Variants in DPYD observed in about 807,000 individuals in gnomAD.
DPYD encodes the protein dihydropyrimidine dehydrogenase [NADP(+)].
In DPYD, 109 loss-of-function variants were observed where a neutral mutation model predicts 116.2. The ratio of observed to expected loss-of-function variants is 0.94; its 90% CI spans 0.80 to 1.10. The LOEUF is 1.10. Ranked by LOEUF, DPYD falls within the 50% of genes least tolerant of loss-of-function variation. The pLI is 0.00. For missense variants in DPYD, 1,302 were observed against 1,254.5 expected (o/e 1.04, Z -0.57); for synonymous variants, 440 against 432.0 (o/e 1.02, Z -0.23).
chr1:97,172,072 T>C (rs1202305208), intron 20 of DPYD, among the ~76,000 whole-genome samples: 1 of 152,220 alleles, frequency 6.6e-6, no homozygotes, highest in East Asian at 1.9e-4. Context: ...ACGACCATGA[T>C]ACAAACAGTT....
In DPYD at chr1:97,472,944, A is replaced by G. The variant is rs182124253; in HGVS notation, c.1741-22721T>C. Reference sequence around the variant, plus strand: ...TATAATCAACCTAACTGACACAGCCATCACCTCACATAGTTGCCTTTGTTT... The same window carrying G: ...TATAATCAACCTAACTGACACAGCCGTCACCTCACATAGTTGCCTTTGTTT... On this transcript the variant is annotated intron_variant, in intron 13 of 22. Coordinates refer to ENST00000370192, the MANE Select transcript of DPYD (RefSeq NM_000110.4). 4.1e-4 allele frequency among the ~76,000 whole-genome samples: 62 copies of G among 152,352 alleles called. No homozygotes were observed. In the East Asian group the frequency reaches 8.1e-3, roughly 20 times the overall value.
chr1:97,210,152 CA>C (rs1440420373), intron 19 of DPYD, among the ~76,000 whole-genome samples: 1 of 151,980 alleles, frequency 6.6e-6, no homozygotes, highest in East Asian at 1.9e-4. Context: ...ACCAGTTAAA[CA>C]AAATGAAGAA....
intron 2 of DPYD, among the ~76,000 whole-genome samples, chr1:97,874,956 C>A (rs536224424): frequency 1.3e-5 from 2 of 151,814 alleles, no homozygotes; most frequent in Admixed American, 1.3e-4. Context: ...ATCTTAATTC[C>A]AGAGATGTGA....
intron 13 of DPYD, among the ~76,000 whole-genome samples, chr1:97,477,247 C>T (rs1178923841): frequency 6.6e-6 from 1 of 152,230 alleles, no homozygotes; most frequent in Non-Finnish European, 1.5e-5. Context: ...AGCATCTTCA[C>T]TAGGAGCTGA....
intron 8 of DPYD, among the ~76,000 whole-genome samples, chr1:97,666,324 C>T (rs953365316): frequency 2.0e-5 from 3 of 151,874 alleles, no homozygotes; most frequent in Admixed American, 6.6e-5. Context: ...CTCTGCATGG[C>T]GAATTTTTTC....
intron 8 of DPYD, among the ~76,000 whole-genome samples, chr1:97,660,142 T>A (rs1031028556): frequency 5.3e-5 from 8 of 152,152 alleles, no homozygotes; most frequent in Admixed American, 5.2e-4. Flanking sequence ...TGGGGTTATT[T>A]AATGACCTGA....
intron 8 of DPYD, among the ~76,000 whole-genome samples, chr1:97,610,367 C>T (rs559525965): frequency 2.6e-5 from 4 of 152,104 alleles, no homozygotes; most frequent in South Asian, 2.1e-4. Context: ...CAGCCGACTC[C>T]CTTGTGTGAC....
chr1:97,887,703 C>T (rs1234391453), intron 1 of DPYD, among the ~76,000 whole-genome samples: 1 of 151,716 alleles, frequency 6.6e-6, no homozygotes, highest in Non-Finnish European at 1.5e-5. Flanking sequence ...AAATTTAACA[C>T]TTTGATATGG....
intron 13 of DPYD, among the ~76,000 whole-genome samples, chr1:97,469,580 G>A (rs1165156317): frequency 6.6e-6 from 1 of 152,076 alleles, no homozygotes; most frequent in Non-Finnish European, 1.5e-5. Flanking sequence ...ATACAGAAGA[G>A]TATGTTGAAA....
intron 7 of DPYD, among the ~76,000 whole-genome samples, chr1:97,682,300 T>C (rs1018736883): frequency 2.0e-5 from 3 of 151,840 alleles, no homozygotes; most frequent in African/African-American, 7.3e-5. Context: ...GACTTTACCA[T>C]GAACAGACAT....
intron 3 of DPYD, among the ~76,000 whole-genome samples, chr1:97,746,218 T>C (rs1287312531): frequency 6.6e-6 from 1 of 152,192 alleles, no homozygotes; most frequent in East Asian, 1.9e-4. Flanking sequence ...TTGCCTATTC[T>C]AGTCTGTAAC....
At chr1:97,628,647 T>C (rs1287101031) in intron 8 of DPYD, among the ~76,000 whole-genome samples, 5 of 152,054 alleles carry the variant, frequency 3.3e-5, no homozygotes, top group Admixed American at 3.3e-4. Flanking sequence ...AGAAGGGTCA[T>C]GATTTTTGAA....
chr1:97,440,470 T>TCC (rs1675716591), intron 14 of DPYD, among the ~76,000 whole-genome samples: 1 of 152,148 alleles, frequency 6.6e-6, no homozygotes, highest in Non-Finnish European at 1.5e-5. Context: ...TTCCATTATA[T>TCC]ATTGATTGTT....
chr1:97,742,859 G>A (rs1196311939), intron 3 of DPYD, among the ~76,000 whole-genome samples: 4 of 152,024 alleles, frequency 2.6e-5, no homozygotes, highest in East Asian at 1.9e-4. Flanking sequence ...AAAAATATCT[G>A]CCATCACACA....
At chr1:97,779,431 A>T (rs1666609338) in intron 3 of DPYD, among the ~76,000 whole-genome samples, 1 of 152,068 alleles carries the variant, frequency 6.6e-6, no homozygotes, top group Admixed American at 6.5e-5. Context: ...AGTGTGTGAA[A>T]TTTACAAGAA....
At chr1:97,227,572 A>G (rs1315692651) in intron 19 of DPYD, among the ~76,000 whole-genome samples, 1 of 151,290 alleles carries the variant, frequency 6.6e-6, no homozygotes, top group Non-Finnish European at 1.5e-5. Flanking sequence ...GTTTAAAAAA[A>G]GTATATGCCC....
chr1:97,823,730 T>A (rs186034243), intron 3 of DPYD, among the ~76,000 whole-genome samples: 1 of 152,140 alleles, frequency 6.6e-6, no homozygotes, highest in Non-Finnish European at 1.5e-5. Context: ...TGTTAGCGTA[T>A]CATCTCTTCC....
At chr1:97,857,990 G>A (rs1276123277) in intron 2 of DPYD, among the ~76,000 whole-genome samples, 1 of 152,002 alleles carries the variant, frequency 6.6e-6, no homozygotes. Context: ...AATGATTGCT[G>A]TGTTGTATGA....
chr1:97,365,917 G>A (rs1251794861), intron 16 of DPYD, among the ~76,000 whole-genome samples: 1 of 152,124 alleles, frequency 6.6e-6, no homozygotes, highest in African/African-American at 2.4e-5. Flanking sequence ...ACAGTCATGA[G>A]CCACCATGCC....
Sources: gnomAD v4.1 joint callset for allele counts (sites outside exome capture counted in the v4.1 genomes callset) on GRCh38, gnomAD v4.1.1 for gene constraint, MANE v1.5 for transcripts, NCBI Gene and HGNC (gene_info 2026-07-23, HGNC 2026-07-21) for gene names.